Variants in PDE7B observed in about 807,000 individuals in gnomAD.
PDE7B encodes the protein phosphodiesterase 7B.
PDE7B carries 29 observed loss-of-function variants against 56.2 expected under a neutral mutation model. The ratio of observed to expected loss-of-function variants is 0.52; its 90% CI spans 0.38 to 0.70. The LOEUF (loss-of-function observed/expected upper bound fraction) is 0.70. PDE7B is among the 30% of genes least tolerant of loss of function. The pLI, the probability that PDE7B is intolerant of heterozygous loss-of-function variation, is 0.00. For missense variants in PDE7B, 490 were observed against 565.0 expected (o/e 0.87, Z 1.35); for synonymous variants, 197 against 196.9 (o/e 1.00, Z 0.00).
At chr6:136,078,539 A>AC (rs1777156398) in intron 2 of PDE7B, among the ~76,000 whole-genome samples, 1 of 152,098 alleles carries the variant, frequency 6.6e-6, no homozygotes. Context: ...TGATACCAAA[A>AC]AGGTATATTA....
At chr6:135,889,629 C>T (rs534412089) in intron 1 of PDE7B, among the ~76,000 whole-genome samples, 13 of 143,574 alleles carry the variant, frequency 9.1e-5, no homozygotes, top group Non-Finnish European at 1.7e-4. Context: ...TTAGTAGAGA[C>T]GGGGTTTTGC....
intron 2 of PDE7B, among the ~76,000 whole-genome samples, chr6:135,969,790 G>T (rs951308260): frequency 3.3e-5 from 5 of 152,138 alleles, no homozygotes; most frequent in African/African-American, 1.2e-4. Flanking sequence ...CACAGCAAAA[G>T]AAACTATCAT....
Position 136,028,264 on chromosome 6 carries a change from T to C in PDE7B, c.83-80467T>C, listed in dbSNP as rs549757292. On this transcript the variant is annotated intron_variant, in intron 2 of 12. Coordinates refer to ENST00000308191, the MANE Select transcript of PDE7B (RefSeq NM_018945.4). The stretch of plus-strand genomic sequence containing the variant: ...AAGTAGTGACGTAAGTGAAGTTACA[T>C]CCCAGATGACCAAAATGGATAAGAG... 5.9e-5 allele frequency among the ~76,000 whole-genome samples: 9 copies of C among 152,280 alleles called. No individual in the cohort carries two copies. In the South Asian group the frequency reaches 1.9e-3, roughly 32 times the overall value.
chr6:136,118,775 A>G (rs1777879736), intron 3 of PDE7B, among the ~76,000 whole-genome samples: 1 of 152,226 alleles, frequency 6.6e-6, no homozygotes, highest in African/African-American at 2.4e-5. Context: ...ATAAATTATG[A>G]AAATTTTCTT....
intron 2 of PDE7B, chr6:136,047,317 T>G (rs1456259800): frequency 6.6e-6 from 1 of 152,214 alleles, no homozygotes; most frequent in Non-Finnish European, 1.5e-5. Context: ...ACCTTTCTGG[T>G]TGGTTTTCAC....
intron 2 of PDE7B, among the ~76,000 whole-genome samples, chr6:136,006,446 A>T: frequency 6.6e-6 from 1 of 152,102 alleles, no homozygotes; most frequent in Non-Finnish European, 1.5e-5. Context: ...TGGTTCTGTG[A>T]AGAATGTCAT....
intron 8 of PDE7B, among the ~76,000 whole-genome samples, chr6:136,172,100 G>A (rs548299932): frequency 1.4e-4 from 21 of 152,176 alleles, no homozygotes; most frequent in South Asian, 8.3e-4. Context: ...ATAAACATAC[G>A]TGTGCATGTG....
chr6:136,069,565 CAAG>C (rs1302558384), intron 2 of PDE7B, among the ~76,000 whole-genome samples: 3 of 152,160 alleles, frequency 2.0e-5, no homozygotes, highest in Non-Finnish European at 4.4e-5. Context: ...TTAAGGCATT[CAAG>C]AATACAGTTA....
chr6:135,905,301 T>G (rs1430302425), intron 1 of PDE7B, among the ~76,000 whole-genome samples: 1 of 152,080 alleles, frequency 6.6e-6, no homozygotes, highest in Non-Finnish European at 1.5e-5. Context: ...TAGACTGATG[T>G]AATTCTCAAT....
intron 1 of PDE7B, among the ~76,000 whole-genome samples, chr6:135,873,415 G>A (rs1447866201): frequency 5.9e-5 from 9 of 152,112 alleles, no homozygotes; most frequent in Admixed American, 2.6e-4. Context: ...GAAATAATAC[G>A]GTGTCTTGTG....
At chr6:135,867,602 G>C (rs752381566) in intron 1 of PDE7B, among the ~76,000 whole-genome samples, 1 of 152,016 alleles carries the variant, frequency 6.6e-6, no homozygotes, top group Non-Finnish European at 1.5e-5. Flanking sequence ...CCGTCCAGTA[G>C]GCCCCAGTGT....
At chr6:136,127,593 A>C (rs903015706) in intron 3 of PDE7B, among the ~76,000 whole-genome samples, 1 of 152,224 alleles carries the variant, frequency 6.6e-6, no homozygotes, top group African/African-American at 2.4e-5. Context: ...TGGTAAAAAT[A>C]AATATTGTTA....
rs373410682 is a variant in PDE7B at position 136,154,855 on chromosome 6, T to G, written c.579+680T>G. The stretch of plus-strand genomic sequence containing the variant: ...TATTCTAAGACTGTTGAGTTCAATC[T>G]GTTTTTAACATCCCCCTACATATGC... On this transcript the variant is annotated intron_variant, in intron 7 of 12. Transcript: ENST00000308191. 5.3e-5 allele frequency among the ~76,000 whole-genome samples: 8 copies of G among 152,366 alleles called. No homozygotes were observed. The East Asian group carries it at 1.3e-3, about 26-fold the overall frequency.
intron 2 of PDE7B, among the ~76,000 whole-genome samples, chr6:136,005,051 A>G (rs145459332): frequency 0.03 from 4,551 of 152,318 alleles, 221 homozygotes; most frequent in African/African-American, 0.1. Context: ...ATAACGCTGC[A>G]TATCTACAAC....
intron 8 of PDE7B, among the ~76,000 whole-genome samples, chr6:136,160,009 T>C (rs943409467): frequency 3.3e-5 from 5 of 152,170 alleles, no homozygotes; most frequent in African/African-American, 1.2e-4. Context: ...GGGTGAAAAA[T>C]ACTTGATAAT....
chr6:136,088,478 C>G (rs1372211771), intron 2 of PDE7B, among the ~76,000 whole-genome samples: 1 of 152,150 alleles, frequency 6.6e-6, no homozygotes, highest in Non-Finnish European at 1.5e-5. Context: ...GGAGAAAAAG[C>G]AGGGACACAT....
chr6:135,976,345 T>C (rs1039805203), intron 2 of PDE7B, among the ~76,000 whole-genome samples: 1 of 152,120 alleles, frequency 6.6e-6, no homozygotes, highest in Non-Finnish European at 1.5e-5. Flanking sequence ...GTCATCACAA[T>C]AAGTTCTCAG....
intron 2 of PDE7B, among the ~76,000 whole-genome samples, chr6:136,085,003 C>A (rs1777267977): frequency 6.6e-6 from 1 of 152,178 alleles, no homozygotes; most frequent in Non-Finnish European, 1.5e-5. Flanking sequence ...GGTCTCGACT[C>A]CTAGCCGATG....
At chr6:135,931,690 A>G (rs1045588577) in intron 1 of PDE7B, among the ~76,000 whole-genome samples, 1 of 152,204 alleles carries the variant, frequency 6.6e-6, no homozygotes, top group African/African-American at 2.4e-5. Context: ...GAGATTTTTC[A>G]ACATGAAGAA....
Sources: gnomAD v4.1 joint callset for allele counts (sites outside exome capture counted in the v4.1 genomes callset) on GRCh38, gnomAD v4.1.1 for gene constraint, MANE v1.5 for transcripts, NCBI Gene and HGNC (gene_info 2026-07-23, HGNC 2026-07-21) for gene names.